Variants in KCTD8 observed in about 807,000 individuals in gnomAD.
KCTD8 encodes the protein potassium channel tetramerization domain containing 8, also known as BTB/POZ domain-containing protein KCTD8.
In KCTD8, 27 loss-of-function variants were observed where a neutral mutation model predicts 31.5. That is an observed-to-expected ratio of 0.86 (90% CI 0.63 to 1.18). The LOEUF is 1.18. Among genes scored for constraint, KCTD8 ranks in the 50% most tolerant of loss-of-function variants. The pLI is 0.00. For missense variants in KCTD8, 658 were observed against 647.7 expected, an observed-to-expected ratio of 1.02 and a Z score of -0.17; for synonymous variants, 290 against 280.0, an observed-to-expected ratio of 1.04 and a Z score of -0.36.
chr4:44,242,060 A>G (rs1185892642), intron 1 of KCTD8, among the ~76,000 whole-genome samples: 1 of 152,232 alleles, frequency 6.6e-6, no homozygotes, highest in Non-Finnish European at 1.5e-5. Flanking sequence ...GCCAATCTTC[A>G]GATCACTGAC....
intron 1 of KCTD8, among the ~76,000 whole-genome samples, chr4:44,190,660 T>C (rs1400588379): frequency 6.6e-6 from 1 of 152,118 alleles, no homozygotes. Flanking sequence ...AAACTGTTCA[T>C]GAGGGGAAAG....
chr4:44,218,397 G>T (rs1430669404), intron 1 of KCTD8, among the ~76,000 whole-genome samples: 1 of 151,504 alleles, frequency 6.6e-6, no homozygotes, highest in East Asian at 1.9e-4. Context: ...GCCTCCCAAA[G>T]TGGTGGGAGT....
At chr4:44,259,263 A>AAG (rs138695076) in intron 1 of KCTD8, among the ~76,000 whole-genome samples, 8,061 of 151,816 alleles carry the variant, frequency 0.053, 721 homozygotes, top group African/African-American at 0.19. Flanking sequence ...AAGTCAAATA[A>AAG]AGAGTGTAAT....
intron 1 of KCTD8, among the ~76,000 whole-genome samples, chr4:44,213,335 A>G (rs904660981): frequency 6.6e-6 from 1 of 152,108 alleles, no homozygotes; most frequent in Non-Finnish European, 1.5e-5. Context: ...TTATTCTTTT[A>G]GTCGGTATGT....
At chr4:44,401,695 G>A (rs1040651577) in intron 1 of KCTD8, among the ~76,000 whole-genome samples, 1 of 152,124 alleles carries the variant, frequency 6.6e-6, no homozygotes, top group Admixed American at 6.5e-5. Flanking sequence ...TCAAAGATAA[G>A]AGTTAATACA....
intron 1 of KCTD8, among the ~76,000 whole-genome samples, chr4:44,389,390 A>C (rs1241763319): frequency 1.3e-5 from 2 of 151,864 alleles, no homozygotes; most frequent in African/African-American, 2.4e-5. Flanking sequence ...TCTTATGTAC[A>C]TCATAAATAC....
chr4:44,248,088 T>A lies in KCTD8; in HGVS notation c.962-72838A>T, dbSNP rs894523839. ...TTCAAATCTATGTTCCTTTGTGCTT[T>A]CAGCATGACTTTTTTAACACTTACA... On this transcript the variant is annotated intron_variant, in intron 1 of 1. Coordinates refer to ENST00000360029, the MANE Select transcript of KCTD8 (RefSeq NM_198353.3). Among the ~76,000 whole-genome samples the A allele has an allele frequency of 3.3e-5, 5 of 151,964 alleles. No homozygotes were observed. In the East Asian group the frequency reaches 7.7e-4, roughly 23 times the overall value.
chr4:44,303,082 G>C (rs536271047), intron 1 of KCTD8, among the ~76,000 whole-genome samples: 1 of 152,252 alleles, frequency 6.6e-6, no homozygotes. Flanking sequence ...CTTGATCAGG[G>C]TGGATAAGCT....
intron 1 of KCTD8, among the ~76,000 whole-genome samples, chr4:44,283,029 TTATTA>T (rs1560414935): frequency 3.0e-3 from 26 of 8,642 alleles, no homozygotes; most frequent in Non-Finnish European, 5.2e-3. Context: ...ACACATTTTA[TTATTA>T]TTATTATTAT....
At chr4:44,213,307 G>T (rs1013073846) in intron 1 of KCTD8, among the ~76,000 whole-genome samples, 1 of 151,786 alleles carries the variant, frequency 6.6e-6, no homozygotes, top group African/African-American at 2.4e-5. Context: ...AACCAATTTA[G>T]GATTACAAAG....
At chr4:44,184,724 T>A (rs1713529298) in intron 1 of KCTD8, among the ~76,000 whole-genome samples, 1 of 152,240 alleles carries the variant, frequency 6.6e-6, no homozygotes, top group African/African-American at 2.4e-5. Context: ...TATTTAATAC[T>A]AATTACATCA....
chr4:44,426,196 G>A (rs144741533), intron 1 of KCTD8, among the ~76,000 whole-genome samples: 142 of 151,662 alleles, frequency 9.4e-4, no homozygotes, highest in African/African-American at 3.3e-3. Context: ...AAAGAAAAAG[G>A]GTTAGAAAAA....
At chr4:44,274,573 T>C (rs901203928) in intron 1 of KCTD8, among the ~76,000 whole-genome samples, 5 of 151,904 alleles carry the variant, frequency 3.3e-5, no homozygotes, top group African/African-American at 2.4e-5. Context: ...TTCTACTATA[T>C]TGAATTATCA....
At chr4:44,303,028 T>C (rs1661957111) in intron 1 of KCTD8, among the ~76,000 whole-genome samples, 2 of 152,224 alleles carry the variant, frequency 1.3e-5, no homozygotes, top group African/African-American at 4.8e-5. Flanking sequence ...CATTTATTTA[T>C]TTGTGCATAT....
At chr4:44,356,991 A>G (rs13142325) in intron 1 of KCTD8, among the ~76,000 whole-genome samples, 46,704 of 151,858 alleles carry the variant, frequency 0.31, 7,904 homozygotes, top group Non-Finnish European at 0.39. Context: ...AAATTACAAG[A>G]TATAACTTTT....
intron 1 of KCTD8, among the ~76,000 whole-genome samples, chr4:44,287,183 G>A (rs1038098808): frequency 3.9e-5 from 6 of 152,064 alleles, no homozygotes; most frequent in African/African-American, 1.2e-4. Flanking sequence ...TTGGGAGACC[G>A]AAGGAGGAGG....
At chr4:44,361,396 T>C (rs1307989988) in intron 1 of KCTD8, among the ~76,000 whole-genome samples, 1 of 152,042 alleles carries the variant, frequency 6.6e-6, no homozygotes, top group Non-Finnish European at 1.5e-5. Flanking sequence ...CACTCAATAA[T>C]ACAATGGAGC....
intron 1 of KCTD8, among the ~76,000 whole-genome samples, chr4:44,433,824 A>G (rs1030267760): frequency 1.5e-4 from 23 of 151,534 alleles, no homozygotes; most frequent in African/African-American, 5.6e-4. Flanking sequence ...TATACCACCT[A>G]TATAGCACTA....
chr4:44,386,444 C>T (rs779025526), intron 1 of KCTD8, among the ~76,000 whole-genome samples: 5 of 151,350 alleles, frequency 3.3e-5, no homozygotes, highest in African/African-American at 9.7e-5. Context: ...GGCAAAATAT[C>T]TGAATAGACA....
Sources: gnomAD v4.1 joint callset for allele counts (sites outside exome capture counted in the v4.1 genomes callset) on GRCh38, gnomAD v4.1.1 for gene constraint, MANE v1.5 for transcripts, NCBI Gene and HGNC (gene_info 2026-07-23, HGNC 2026-07-21) for gene names.